TMEM182: variants seen among roughly 807,000 people sequenced by gnomAD.
The protein encoded by TMEM182 is transmembrane protein 182.
A neutral mutation model predicts 26.8 loss-of-function variants in TMEM182; 20 were observed. The observed-to-expected ratio is 0.75, with a 90% CI of 0.53 to 1.09. The LOEUF (loss-of-function observed/expected upper bound fraction) is 1.09, where lower values mean the gene tolerates loss of function less well. Ranked by LOEUF, TMEM182 falls within the 50% of genes least tolerant of loss-of-function variation. TMEM182 has a pLI of 0.00. For synonymous variants in TMEM182, 109 were observed against 102.2 expected (o/e 1.07, Z -0.40); for missense variants, 277 against 275.5 (o/e 1.01, Z -0.04).
At chr2:102,737,075 C>A in intron 1 of TMEM182, 1 of 464,558 alleles carries the variant, frequency 2.2e-6, no homozygotes, top group Non-Finnish European at 3.8e-6. Flanking sequence ...GGGTACAGAC[C>A]CTGCTGCCCC....
intron 4 of TMEM182, among the ~76,000 whole-genome samples, chr2:102,812,035 C>A (rs1399969559): frequency 6.6e-6 from 1 of 152,188 alleles, no homozygotes; most frequent in Non-Finnish European, 1.5e-5. Context: ...CATGCACACA[C>A]ACATTTACTT....
At chr2:102,807,172 A>G (rs556575927) in intron 4 of TMEM182, among the ~76,000 whole-genome samples, 1 of 152,250 alleles carries the variant, frequency 6.6e-6, no homozygotes, top group African/African-American at 2.4e-5. Context: ...AGCATTTTAT[A>G]TATGTTGTTG....
At chr2:102,759,135 C>T (rs1420192779), upstream of TMEM182, among the ~76,000 whole-genome samples, 1 of 151,902 alleles carries the variant, frequency 6.6e-6, no homozygotes, top group African/African-American at 2.4e-5. Context: ...TATTCTTTTC[C>T]CCTAATTAAA....
chr2:102,813,844 A>C (rs1682641616), intron 4 of TMEM182, among the ~76,000 whole-genome samples: 2 of 152,104 alleles, frequency 1.3e-5, no homozygotes, highest in Non-Finnish European at 2.9e-5. Context: ...TTGTTGCTAA[A>C]TTGGGATGTT....
In TMEM182 at chr2:102,764,339, A is replaced by G; in HGVS notation, c.243A>G (p.Pro81=). 2 of 1,613,806 alleles carry G rather than the reference A, an allele frequency of 1.2e-6. No homozygotes were observed. Among genetic ancestry groups the G allele is most frequent in the East Asian group, 2.2e-5 (1 of 44,868 alleles). Residue 81 remains proline, a synonymous_variant, in exon 3 of 5, where the codon CCA becomes CCG. Transcript: ENST00000412401. ...TGCTGTTCTTCCTAGCCAATCAGCC[A>G]CCGTCCAAGAACTGCACACATGCTT... ...NIWKFWYTNQ[P]PSKNCTHAYL... is the part of the protein sequence containing the mutation.
chr2:102,802,937 C>T (rs1467644333), intron 4 of TMEM182, among the ~76,000 whole-genome samples: 1 of 152,148 alleles, frequency 6.6e-6, no homozygotes, highest in Non-Finnish European at 1.5e-5. Context: ...AATTTTGCTG[C>T]AGAAAGTAGA....
chr2:102,821,458 C>T (rs1682913860), downstream of TMEM182, among the ~76,000 whole-genome samples: 2 of 152,130 alleles, frequency 1.3e-5, no homozygotes, highest in Non-Finnish European at 2.9e-5. Context: ...TGCTCCCGCT[C>T]AGCCATGTGA....
intron 3 of TMEM182, among the ~76,000 whole-genome samples, chr2:102,766,864 A>G (rs1680472760): frequency 6.6e-6 from 1 of 152,232 alleles, no homozygotes; most frequent in African/African-American, 2.4e-5. Context: ...CAGTTAGCCA[A>G]TATTGAATTC....
intron 3 of TMEM182, among the ~76,000 whole-genome samples, chr2:102,767,196 C>A (rs756269308): frequency 6.6e-6 from 1 of 152,166 alleles, no homozygotes; most frequent in Non-Finnish European, 1.5e-5. Context: ...ATATTCAATT[C>A]TGACTTGTGT....
chr2:102,773,918 C>G (rs1680791515), intron 3 of TMEM182, among the ~76,000 whole-genome samples: 1 of 151,910 alleles, frequency 6.6e-6, no homozygotes, highest in Admixed American at 6.6e-5. Flanking sequence ...AATAAAACAC[C>G]AAAAAACTGT....
intron 3 of TMEM182, among the ~76,000 whole-genome samples, chr2:102,824,529 A>G (rs978739459): frequency 6.6e-6 from 1 of 152,140 alleles, no homozygotes; most frequent in Non-Finnish European, 1.5e-5. Flanking sequence ...CTGGCCATGT[A>G]AGATGTACCT....
At chr2:102,775,105 A>C (rs1208023505) in intron 3 of TMEM182, 1 of 152,180 alleles carries the variant, frequency 6.6e-6, no homozygotes, top group East Asian at 1.9e-4. Context: ...ATTCATGGAC[A>C]CGGTTTATCC....
chr2:102,827,288 G>C (rs1264469303), intron 3 of TMEM182, among the ~76,000 whole-genome samples: 1 of 152,150 alleles, frequency 6.6e-6, no homozygotes, highest in Non-Finnish European at 1.5e-5. Flanking sequence ...CTTTGGAAGT[G>C]TCTTGCTCAC....
chr2:102,758,103 A>G (rs1236653819), upstream of TMEM182, among the ~76,000 whole-genome samples: 4 of 152,192 alleles, frequency 2.6e-5, no homozygotes, highest in African/African-American at 9.7e-5. Flanking sequence ...AGATAGAGTC[A>G]ATATTCCCAT....
In TMEM182 at chr2:102,817,011, G is replaced by A. The variant is rs1157686600; in HGVS notation, c.*2043G>A. The A allele has an allele frequency of 1.0e-6, 1 of 985,546 alleles. No individual in the cohort carries two copies. The highest frequency in any genetic ancestry group is 1.2e-6 in the Non-Finnish European group (1 of 829,866). The allele number at this position is 985,546 out of a possible 1,614,324, so 61.1% of individuals were successfully genotyped here. On this transcript the variant is annotated 3_prime_UTR_variant, in exon 5 of 5. Coordinates refer to ENST00000412401, the MANE Select transcript of TMEM182 (RefSeq NM_144632.5). ...CTGATGTGTATGACACTTTTACACAGATTTGCACTTTGGAACTATTTTATA... is the reference window on the plus strand; with the variant it reads ...CTGATGTGTATGACACTTTTACACAAATTTGCACTTTGGAACTATTTTATA...
chr2:102,832,313 A>T (rs1269645794), intron 3 of TMEM182, among the ~76,000 whole-genome samples: 3 of 152,158 alleles, frequency 2.0e-5, no homozygotes. Flanking sequence ...TATTTTGTTC[A>T]TTTCTACTGG....
intron 3 of TMEM182, among the ~76,000 whole-genome samples, chr2:102,779,200 T>G (rs1681054089): frequency 6.6e-6 from 1 of 152,190 alleles, no homozygotes; most frequent in South Asian, 2.1e-4. Flanking sequence ...GTCATTCAAG[T>G]TCTTTTTCCC....
intron 4 of TMEM182, among the ~76,000 whole-genome samples, chr2:102,810,687 G>A (rs891620180): frequency 6.6e-6 from 1 of 152,052 alleles, no homozygotes; most frequent in Admixed American, 6.6e-5. Flanking sequence ...TCGGGGCTGG[G>A]TTTTGATTCT....
chr2:102,841,074 A>G (rs1683340245), intron 3 of TMEM182, among the ~76,000 whole-genome samples: 1 of 152,106 alleles, frequency 6.6e-6, no homozygotes, highest in African/African-American at 2.4e-5. Context: ...GGAAACAAAT[A>G]GTGGCATCAA....
Sources: allele counts gnomAD v4.1 joint callset (sites outside exome capture counted in the v4.1 genomes callset), GRCh38; gene constraint gnomAD v4.1.1; transcripts MANE v1.5; gene names NCBI Gene and HGNC (gene_info 2026-07-23, HGNC 2026-07-21).